TBC1D8: variants seen among roughly 807,000 people sequenced by gnomAD.
The protein encoded by TBC1D8 is BUB2-like protein 1.
A neutral mutation model predicts 118.8 loss-of-function variants in TBC1D8; 65 were observed. The observed-to-expected ratio is 0.55, with a 90% confidence interval of 0.45 to 0.67. The LOEUF (loss-of-function observed/expected upper bound fraction) is 0.67, where lower values mean the gene tolerates loss of function less well. TBC1D8 is among the 30% of genes least tolerant of loss of function. The pLI, the probability that TBC1D8 is intolerant of heterozygous loss-of-function variation, is 0.00. For synonymous variants in TBC1D8, 566 were observed against 595.8 expected (o/e 0.95, Z 0.73); for missense variants, 1,376 against 1,471.2 (o/e 0.94, Z 1.06).
At chr2:101,068,561 C>T in intron 2 of TBC1D8, 1 of 556,790 alleles carries the variant, frequency 1.8e-6, no homozygotes, top group Non-Finnish European at 3.3e-6. Context: ...CTTAAAATCT[C>T]TGACTCTGGT....
chr2:101,046,287 C>T (rs1681699405), intron 5 of TBC1D8, among the ~76,000 whole-genome samples: 1 of 152,220 alleles, frequency 6.6e-6, no homozygotes, highest in Non-Finnish European at 1.5e-5. Flanking sequence ...GCACGAAGGG[C>T]CCCTCATTCC....
At chr2:101,098,657 C>T (rs1574030565) in intron 1 of TBC1D8, among the ~76,000 whole-genome samples, 1 of 152,160 alleles carries the variant, frequency 6.6e-6, no homozygotes, top group African/African-American at 2.4e-5. Flanking sequence ...AAAATCATAA[C>T]ACACAGTCTC....
chr2:101,098,294 G>A (rs1027841341), intron 1 of TBC1D8, among the ~76,000 whole-genome samples: 13 of 151,954 alleles, frequency 8.6e-5, no homozygotes, highest in Middle Eastern at 6.8e-3. Context: ...CAGGAGAATC[G>A]CTTGAAACCA....
chr2:101,040,170 C>G lies in TBC1D8; in HGVS notation c.1080+8G>C. ...TGCTTCGGGAAGCAGACAGTAGGGCCAGTCTACCTCTCTGAGTGGCAGGAT... is the reference window on the plus strand; with the variant it reads ...TGCTTCGGGAAGCAGACAGTAGGGCGAGTCTACCTCTCTGAGTGGCAGGAT... On this transcript the variant is annotated splice_region_variant and intron_variant, in intron 6 of 19. Transcript: ENST00000409318. The G allele has an allele frequency of 6.2e-7, 1 of 1,613,154 alleles. No individual in the cohort carries two copies. The highest frequency in any genetic ancestry group is 8.5e-7 in the Non-Finnish European group (1 of 1,179,384).
intron 8 of TBC1D8, among the ~76,000 whole-genome samples, chr2:101,037,071 C>T (rs371274517): frequency 3.9e-5 from 6 of 152,170 alleles, no homozygotes; most frequent in South Asian, 4.1e-4. Context: ...CCAGACTATA[C>T]GTGACATTTC....
At chr2:101,035,647 T>C (rs1680960578) in intron 9 of TBC1D8, among the ~76,000 whole-genome samples, 3 of 152,326 alleles carry the variant, frequency 2.0e-5, no homozygotes, top group Admixed American at 2.0e-4. Context: ...CAGTTGACAA[T>C]GGATGAGGAT....
chr2:101,027,722 A>G (rs1371861899), intron 14 of TBC1D8, among the ~76,000 whole-genome samples: 1 of 152,226 alleles, frequency 6.6e-6, no homozygotes, highest in African/African-American at 2.4e-5. Flanking sequence ...AAACAGCATG[A>G]GCAGGAGGAG....
At chr2:101,018,153 C>G (rs181376357) in intron 17 of TBC1D8, 64 of 503,178 alleles carry the variant, frequency 1.3e-4, no homozygotes, top group African/African-American at 8.0e-4. Flanking sequence ...CTCATTCATA[C>G]AGATATTGCT....
chr2:101,095,377 A>G (rs892640850), intron 1 of TBC1D8, among the ~76,000 whole-genome samples: 1 of 149,036 alleles, frequency 6.7e-6, no homozygotes, highest in Non-Finnish European at 1.5e-5. Flanking sequence ...CATTAGGTAT[A>G]TCTCCTAATG....
At position 101,022,470 on chromosome 2, in the gene TBC1D8, G is replaced by A. The variant is rs778459831; in HGVS notation, c.2572C>T (p.Arg858Cys). ...GCATAGGGCCGGCTGGGGTCGTGGC[G>A]TGAGGCCATGGGCCTGGGCTGCTCC... ...YWEQPRPMAS[R>C]HDPSRPYAEQ... The change falls in exon 16 of 20, where the codon CGC (arginine) becomes TGC (cysteine). Residue 858 changes from arginine (R) to cysteine (C), a missense_variant. Transcript: ENST00000409318. 1.1e-5 allele frequency: 17 copies of A among 1,608,510 alleles called. No homozygotes were observed. The highest frequency in any genetic ancestry group is 7.7e-5 in the South Asian group (7 of 90,378).
At chr2:101,034,197 A>G (rs113699548) in intron 9 of TBC1D8, among the ~76,000 whole-genome samples, 1 of 152,182 alleles carries the variant, frequency 6.6e-6, no homozygotes, top group Non-Finnish European at 1.5e-5. Flanking sequence ...AACAGAAATA[A>G]AAGAAATAGT....
chr2:101,051,036 G>A (rs996227035), intron 4 of TBC1D8, among the ~76,000 whole-genome samples: 1 of 152,164 alleles, frequency 6.6e-6, no homozygotes, highest in African/African-American at 2.4e-5. Context: ...GTGTTAATTT[G>A]CAAAGCATAA....
intron 1 of TBC1D8, among the ~76,000 whole-genome samples, chr2:101,135,216 C>T (rs1413137402): frequency 6.6e-6 from 1 of 152,138 alleles, no homozygotes; most frequent in Non-Finnish European, 1.5e-5. Context: ...GCCGTTTTTA[C>T]AGTGAGATAC....
chr2:101,025,117 T>G (rs1229417111), intron 15 of TBC1D8, among the ~76,000 whole-genome samples: 1 of 152,220 alleles, frequency 6.6e-6, no homozygotes, highest in East Asian at 1.9e-4. Context: ...ATGTGTGTAT[T>G]TATAGATAGA....
intron 2 of TBC1D8, among the ~76,000 whole-genome samples, chr2:101,070,610 A>G (rs1683260716): frequency 6.6e-6 from 1 of 151,808 alleles, no homozygotes; most frequent in Non-Finnish European, 1.5e-5. Context: ...ACGGGGTTTC[A>G]CCATGTTGGC....
At chr2:101,078,910 C>A (rs1675056950) in intron 2 of TBC1D8, among the ~76,000 whole-genome samples, 1 of 151,956 alleles carries the variant, frequency 6.6e-6, no homozygotes, top group Admixed American at 6.6e-5. Context: ...CACTACCAGC[C>A]CCAGGCAATT....
intron 2 of TBC1D8, among the ~76,000 whole-genome samples, chr2:101,071,188 A>T (rs960694907): frequency 6.6e-6 from 1 of 152,090 alleles, no homozygotes; most frequent in African/African-American, 2.4e-5. Flanking sequence ...AAATATTTTT[A>T]AAAATTAGCC....
At chr2:101,133,645 A>T (rs1019501314) in intron 1 of TBC1D8, among the ~76,000 whole-genome samples, 1 of 152,172 alleles carries the variant, frequency 6.6e-6, no homozygotes, top group African/African-American at 2.4e-5. Context: ...TTCTAAGAGC[A>T]CTAATCACAA....
Position 101,075,148 on chromosome 2 carries a change from G to A in TBC1D8, c.283+15061C>T, listed in dbSNP as rs563421024. 9.2e-5 allele frequency among the ~76,000 whole-genome samples: 14 copies of A among 152,308 alleles called. No individual in the cohort carries two copies. In the South Asian group the frequency reaches 2.9e-3, roughly 32 times the overall value. ...CTCAGTGGCTACACCTGTAATCCCAGCACTTTGGGAGGCCAAGGCGGGCAG... is the reference window on the plus strand; with the variant it reads ...CTCAGTGGCTACACCTGTAATCCCAACACTTTGGGAGGCCAAGGCGGGCAG... On this transcript the variant is annotated intron_variant, in intron 2 of 19. Coordinates refer to ENST00000409318, the MANE Select transcript of TBC1D8 (RefSeq NM_001330348.2).
Sources: allele counts gnomAD v4.1 joint callset (sites outside exome capture counted in the v4.1 genomes callset), GRCh38; gene constraint gnomAD v4.1.1; transcripts MANE v1.5; gene names NCBI Gene and HGNC (gene_info 2026-07-23, HGNC 2026-07-21).